TOP1: variants seen among roughly 807,000 people sequenced by gnomAD.
TOP1 encodes DNA topoisomerase 1.
A neutral mutation model predicts 111.1 loss-of-function variants in TOP1; 10 were observed. The observed-to-expected ratio is 0.09, with a 90% confidence interval of 0.06 to 0.15. The LOEUF (loss-of-function observed/expected upper bound fraction) is 0.15, where lower values mean the gene tolerates loss of function less well. Among genes scored for constraint, TOP1 ranks in the 10% least tolerant of loss-of-function variants. The pLI is 1.00. For missense variants in TOP1, 474 were observed against 926.7 expected (o/e 0.51, Z 6.34); for synonymous variants, 271 against 302.9 (o/e 0.89, Z 1.10).
chr20:41,123,900 G>A lies in TOP1; in HGVS notation c.*603G>A. 4.3e-6 allele frequency: 1 copy of A among 232,250 alleles called. No homozygotes were observed. Among genetic ancestry groups the A allele is most frequent in the Non-Finnish European group, 8.5e-6 (1 of 117,240 alleles). 14.4% of individuals were successfully genotyped at this position (232,250 alleles called of 1,614,324 possible). On this transcript the variant is annotated 3_prime_UTR_variant, in exon 21 of 21. Coordinates refer to ENST00000361337, the MANE Select transcript of TOP1 (RefSeq NM_003286.4). This position sits in a 1 kb window ranked among gnomAD's most constrained non-coding sequence, Gnocchi z 5.8. ...CACCTGTTCACAGAAAAAGCATGAT[G>A]GGAAAATATTTCCTGACTTGAGTGT...
In TOP1 at chr20:41,101,125, A is replaced by G; in HGVS notation, c.1164-84A>G. The stretch of plus-strand genomic sequence containing the variant: ...GAAGGAAACTTGGAAAATTATGCTC[A>G]GCAGATAGGTCCACTTGGGGTCATG... On this transcript the variant is annotated intron_variant, in intron 12 of 20. Coordinates refer to ENST00000361337, the MANE Select transcript of TOP1 (RefSeq NM_003286.4). The surrounding 1 kb of genome is among the most constrained non-coding windows in gnomAD (Gnocchi z 4.1). 2.0e-6 allele frequency: 3 copies of G among 1,465,296 alleles called. No individual in the cohort carries two copies. Among genetic ancestry groups the G allele is most frequent in the South Asian group, 1.2e-5 (1 of 83,100 alleles). 90.8% of individuals were successfully genotyped at this position (1,465,296 alleles called of 1,614,324 possible). A position where few individuals can be genotyped will look rare whatever the true frequency, so the allele number is the denominator to read the frequency against.
Position 41,122,266 on chromosome 20 carries a change from C to T in TOP1, c.2195+111C>T. On this transcript the variant is annotated intron_variant, in intron 20 of 20. Transcript: ENST00000361337. This position sits in a 1 kb window ranked among gnomAD's most constrained non-coding sequence, Gnocchi z 5.4. ...CATTCCTAAGCTACACACTTTAGTC[C>T]TCTGGGGAAACTTCTGGCTTCAGCT... is the stretch of plus-strand genomic sequence containing the variant. The T allele has an allele frequency of 8.6e-7, 1 of 1,168,760 alleles. No homozygotes were observed. Among genetic ancestry groups the T allele is most frequent in the Non-Finnish European group, 1.2e-6 (1 of 813,022 alleles). 72.4% of individuals were successfully genotyped at this position (1,168,760 alleles called of 1,614,324 possible).
chr20:41,113,524 C>T (rs548820831), intron 14 of TOP1, among the ~76,000 whole-genome samples: 1 of 152,182 alleles, frequency 6.6e-6, no homozygotes, highest in African/African-American at 2.4e-5. Flanking sequence ...GCCATGCTGA[C>T]TGATGCTGTG....
rs2034309611 is a variant in TOP1 at position 41,115,197 on chromosome 20, A to G, written c.1639-174A>G. Among the ~76,000 whole-genome samples the G allele has an allele frequency of 6.6e-6, 1 of 152,142 alleles. No homozygotes were observed. ...ATATACACATGGAGAGAGTGAGCAT[A>G]CATGCACACTGTGCAAATGATGAAT... On this transcript the variant is annotated intron_variant, in intron 15 of 20. Coordinates refer to ENST00000361337, the MANE Select transcript of TOP1 (RefSeq NM_003286.4). This position sits in a 1 kb window ranked among gnomAD's most constrained non-coding sequence, Gnocchi z 6.3.
intron 2 of TOP1, among the ~76,000 whole-genome samples, chr20:41,057,956 G>A (rs1373795673): frequency 6.6e-6 from 1 of 152,164 alleles, no homozygotes; most frequent in African/African-American, 2.4e-5. Flanking sequence ...AAGTAAACTG[G>A]GGCCACTAAC....
rs1415121667 is a variant in TOP1 at position 41,098,968 on chromosome 20, A to G, written c.975+631A>G. 1 of 152,194 alleles carries G rather than the reference A, an allele frequency of 6.6e-6. No homozygotes were observed. Among genetic ancestry groups the G allele is most frequent in the Admixed American group, 6.5e-5 (1 of 15,282 alleles). 9.4% of individuals were successfully genotyped at this position (152,194 alleles called of 1,614,324 possible). ...GTAGTTGCAAAAGAGACTGTGTGGC[A>G]CTCAAGCCTAAAATATTTTCTATCT... On this transcript the variant is annotated intron_variant, in intron 11 of 20. Coordinates refer to ENST00000361337, the MANE Select transcript of TOP1 (RefSeq NM_003286.4). The surrounding 1 kb of genome is among the most constrained non-coding windows in gnomAD (Gnocchi z 5.7).
chr20:41,053,458 C>CT (rs374976924), intron 2 of TOP1, among the ~76,000 whole-genome samples: 4 of 152,218 alleles, frequency 2.6e-5, no homozygotes, highest in Admixed American at 2.0e-4. Flanking sequence ...TACTCTTAGA[C>CT]TTTTTTTCCC....
intron 2 of TOP1, among the ~76,000 whole-genome samples, chr20:41,054,822 A>ATTTCTTTTTTTTC (rs2033450088): frequency 6.6e-6 from 1 of 152,128 alleles, no homozygotes; most frequent in South Asian, 2.1e-4. Flanking sequence ...TAGGAAAAGG[A>ATTTCTTTTTTTTC]TTTCTTTTTT....
chr20:41,100,883 A>T lies in TOP1; in HGVS notation c.1164-326A>T, dbSNP rs1470299638. 4.5e-6 allele frequency: 1 copy of T among 221,732 alleles called. No homozygotes were observed. The highest frequency in any genetic ancestry group is 9.0e-6 in the Non-Finnish European group (1 of 111,088). The allele number at this position is 221,732 out of a possible 1,614,324, so 13.7% of individuals were successfully genotyped here. On this transcript the variant is annotated intron_variant, in intron 12 of 20. Transcript: ENST00000361337. This position sits in a 1 kb window ranked among gnomAD's most constrained non-coding sequence, Gnocchi z 4.4. ...AAATAAGGCAGCTACTAGGTTACCC[A>T]TGGGCAAGTGACATATACAGCATGG...
Position 41,029,538 on chromosome 20 carries a change from C to A in TOP1, c.58+83C>A. The A allele has an allele frequency of 1.8e-6, 2 of 1,116,024 alleles. No homozygotes were observed. Among genetic ancestry groups the A allele is most frequent in the Non-Finnish European group, 2.6e-6 (2 of 757,110 alleles). 69.1% of individuals were successfully genotyped at this position (1,116,024 alleles called of 1,614,324 possible). A position where few individuals can be genotyped will look rare whatever the true frequency, so the allele number is the denominator to read the frequency against. On this transcript the variant is annotated intron_variant, in intron 2 of 20. Transcript: ENST00000361337. This position sits in a 1 kb window ranked among gnomAD's most constrained non-coding sequence, Gnocchi z 6.1. ...CGCCCTGCCGGTGCCGGGCAGAGGA[C>A]AGACATGGCGTCCCAGAGACTAAGT...
rs116820198 is a variant in TOP1, at chr20:41,079,008, C to A, written c.336-1077C>A. 6.6e-6 allele frequency among the ~76,000 whole-genome samples: 1 copy of A among 152,112 alleles called. No individual in the cohort carries two copies. Among genetic ancestry groups the A allele is most frequent in the East Asian group, 1.9e-4 (1 of 5,196 alleles). On this transcript the variant is annotated intron_variant, in intron 5 of 20. Transcript: ENST00000361337. The surrounding 1 kb of genome is among the most constrained non-coding windows in gnomAD (Gnocchi z 4.0). Reference sequence around the variant, plus strand: ...TTGGGTAAATGATAGGCTTTCTTTCCTTCTGGACCCTAGGGTCTGTGTCAG... The same window carrying A: ...TTGGGTAAATGATAGGCTTTCTTTCATTCTGGACCCTAGGGTCTGTGTCAG...
rs1326841554 is a variant in TOP1 at position 41,039,906 on chromosome 20, C to CA, written c.58+10461dup. On this transcript the variant is annotated intron_variant, in intron 2 of 20. Transcript: ENST00000361337. ...TGGGCGTCAGAGCGAGACTCCATCT[C>CA]AAAAAAAAAAGAAAAATAGTTTTCA... Among the ~76,000 whole-genome samples the CA allele has an allele frequency of 3.1e-3, 442 of 144,876 alleles. 3 individuals are homozygous for CA. Among genetic ancestry groups the CA allele is most frequent in the African/African-American group, 0.01 (406 of 39,500 alleles).
Position 41,100,088 on chromosome 20 carries a change from A to G in TOP1, c.1008A>G (p.Lys336=), listed in dbSNP as rs563859686. The G allele has an allele frequency of 6.2e-7, 1 of 1,610,968 alleles. No homozygotes were observed. Among genetic ancestry groups the G allele is most frequent in the African/African-American group, 1.3e-5 (1 of 74,922 alleles). ...AAGAGGAGAATGAAAAATTACTGAA[A>G]GAATATGGATTCTGTATTATGGATA... ...KIKEENEKLL[K]EYGFCIMDNH... is the part of the protein sequence containing the mutation. Residue 336 remains lysine (K), a synonymous_variant, in exon 12 of 21, where the codon AAA becomes AAG. Coordinates refer to ENST00000361337, the MANE Select transcript of TOP1 (RefSeq NM_003286.4). The surrounding 1 kb of genome is among the most constrained non-coding windows in gnomAD (Gnocchi z 4.4).
rs1249678030 is a variant in TOP1 at position 41,080,570 on chromosome 20, T to G, written c.431+390T>G. 6.6e-6 allele frequency among the ~76,000 whole-genome samples: 1 copy of G among 152,224 alleles called. No individual in the cohort carries two copies. The highest frequency in any genetic ancestry group is 1.5e-5 in the Non-Finnish European group (1 of 68,044). On this transcript the variant is annotated intron_variant, in intron 6 of 20. Transcript: ENST00000361337. This position sits in a 1 kb window ranked among gnomAD's most constrained non-coding sequence, Gnocchi z 5.0. Reference sequence around the variant, plus strand: ...ACATTCTAAGTGAAGTTTCAGTGTGTAAAAATAATAAAACTGCTCATAAAA... The same window carrying G: ...ACATTCTAAGTGAAGTTTCAGTGTGGAAAAATAATAAAACTGCTCATAAAA...
At chr20:41,076,327 G>C (rs201008739) in intron 4 of TOP1, 33 bp downstream of exon 4, 4 of 1,577,574 alleles carry the variant, frequency 2.5e-6, no homozygotes, top group Non-Finnish European at 3.4e-6. Context: ...AGGAAGGAAC[G>C]TGGATGCACT....
rs958575404 is a variant in TOP1 at position 41,077,696 on chromosome 20, C to T, written c.335+59C>T. 8.8e-5 allele frequency: 134 copies of T among 1,523,486 alleles called. No individual in the cohort carries two copies. The Admixed American group carries it at 2.2e-3, about 25-fold the overall frequency. 94.4% of individuals were successfully genotyped at this position (1,523,486 alleles called of 1,614,324 possible). A position where few individuals can be genotyped will look rare whatever the true frequency, so the allele number is the denominator to read the frequency against. ...TCTGGGTGGACAGCAGGCCAGCTGC[C>T]TGTGTTGTAGTGTTGTCTGAGTTAA... is the stretch of plus-strand genomic sequence containing the variant. On this transcript the variant is annotated intron_variant, in intron 5 of 20. Coordinates refer to ENST00000361337, the MANE Select transcript of TOP1 (RefSeq NM_003286.4).
chr20:41,096,978 A>G (rs2033991284), intron 9 of TOP1, among the ~76,000 whole-genome samples: 1 of 152,210 alleles, frequency 6.6e-6, no homozygotes, highest in Non-Finnish European at 1.5e-5. Flanking sequence ...GCACCTGGGA[A>G]CAATTAACTG....
chr20:41,123,467 A>T lies in TOP1; in HGVS notation c.*170A>T. The T allele has an allele frequency of 2.0e-6, 1 of 496,726 alleles. No homozygotes were observed. The highest frequency in any genetic ancestry group is 3.4e-5 in the South Asian group (1 of 29,030). The allele number at this position is 496,726 out of a possible 1,614,324, so 30.8% of individuals were successfully genotyped here. On this transcript the variant is annotated 3_prime_UTR_variant, in exon 21 of 21. Transcript: ENST00000361337. This position sits in a 1 kb window ranked among gnomAD's most constrained non-coding sequence, Gnocchi z 5.8. ...AGATATTATAAGGGAGAGCTGAGCC[A>T]GTTGTCCTATGGACAACTTATTTAA...
chr20:41,087,759 A>G (rs1344678346), intron 8 of TOP1, among the ~76,000 whole-genome samples: 1 of 152,232 alleles, frequency 6.6e-6, no homozygotes, highest in Non-Finnish European at 1.5e-5. Flanking sequence ...TGTTAACTGC[A>G]AGGGAACTTG....
Sources: gnomAD v4.1 joint callset for allele counts (sites outside exome capture counted in the v4.1 genomes callset) on GRCh38, gnomAD v4.1.1 for gene constraint, Gnocchi (gnomAD v3.1) non-coding constraint, MANE v1.5 for transcripts, NCBI Gene and HGNC (gene_info 2026-07-23, HGNC 2026-07-21) for gene names.